The following EPB41L2 variants were observed in gnomAD, a reference collection of about 807,000 sequenced individuals.
The protein encoded by EPB41L2 is erythrocyte membrane protein band 4.1 like 2, also known as band 4.1-like protein 2.
EPB41L2 carries 43 observed loss-of-function variants against 113.0 expected under a neutral mutation model. The observed-to-expected ratio is 0.38, with a 90% CI of 0.30 to 0.49. EPB41L2 has a LOEUF of 0.49. EPB41L2 is among the 20% of genes least tolerant of loss of function. EPB41L2 has a pLI of 0.95. For synonymous variants in EPB41L2, 442 were observed against 436.7 expected, an observed-to-expected ratio of 1.01 and a Z score of -0.15; for missense variants, 1,147 against 1,223.4, an observed-to-expected ratio of 0.94 and a Z score of 0.93.
At chr6:130,916,353 C>A (rs1801092653) in intron 4 of EPB41L2, among the ~76,000 whole-genome samples, 1 of 152,130 alleles carries the variant, frequency 6.6e-6, no homozygotes. Flanking sequence ...TCCCCTACAA[C>A]ATTTTCATTA....
intron 11 of EPB41L2, among the ~76,000 whole-genome samples, chr6:130,889,414 T>C (rs1281858925): frequency 6.6e-6 from 1 of 152,138 alleles, no homozygotes; most frequent in Non-Finnish European, 1.5e-5. Flanking sequence ...GTGTAGTTTA[T>C]ATAAAACTAC....
intron 1 of EPB41L2, among the ~76,000 whole-genome samples, chr6:131,059,009 G>A (rs973029960): frequency 1.3e-5 from 2 of 151,980 alleles, no homozygotes; most frequent in Admixed American, 1.3e-4. Context: ...GAGTGAAACT[G>A]TGTCTCAAAA....
chr6:130,884,322 C>T (rs758149755), intron 12 of EPB41L2, among the ~76,000 whole-genome samples: 1 of 151,808 alleles, frequency 6.6e-6, no homozygotes. Context: ...GCAACAAGAG[C>T]GAAACTTCAT....
At position 130,899,428 on chromosome 6, in the gene EPB41L2, A is replaced by C. The variant is rs1795652044; in HGVS notation, c.1236+63T>G. On this transcript the variant is annotated intron_variant, in intron 8 of 19. Coordinates refer to ENST00000337057, the MANE Select transcript of EPB41L2 (RefSeq NM_001431.4). ...ATAAGCTGTGCTATCCTGAAACTGG[A>C]GCCCTCTCAAAACCTCAGTCAACAG... 3.1e-6 allele frequency: 4 copies of C among 1,304,922 alleles called. No individual in the cohort carries two copies. In the Admixed American group the frequency reaches 6.9e-5, roughly 22 times the overall value. The allele number at this position is 1,304,922 out of a possible 1,614,324, so 80.8% of individuals were successfully genotyped here.
At position 130,890,474 on chromosome 6, in the gene EPB41L2, AGG is replaced by A. The variant is rs1491106424; in HGVS notation, c.1488-10_1488-9del. Reference sequence around the variant, plus strand: ...TGCTCTGGAGAAACAAGCCTATGGGAGGAAAAAAAAAAAAAAAGAGAGAGAGA... The same window carrying A: ...TGCTCTGGAGAAACAAGCCTATGGGAAAAAAAAAAAAAAAAGAGAGAGAGA... On this transcript the variant is annotated splice_polypyrimidine_tract_variant and intron_variant, in intron 10 of 19. Transcript: ENST00000337057. 2.0e-6 allele frequency: 3 copies of A among 1,484,056 alleles called. No homozygotes were observed. Among genetic ancestry groups the A allele is most frequent in the Admixed American group, 2.4e-5 (1 of 41,700 alleles). 91.9% of individuals were successfully genotyped at this position (1,484,056 alleles called of 1,614,324 possible). A position where few individuals can be genotyped will look rare whatever the true frequency, so the allele number is the denominator to read the frequency against.
At chr6:131,057,608 T>A (rs1562815235) in intron 1 of EPB41L2, among the ~76,000 whole-genome samples, 1 of 152,322 alleles carries the variant, frequency 6.6e-6, no homozygotes, top group East Asian at 1.9e-4. Flanking sequence ...TCTGGAAACG[T>A]AAATACAAGG....
At chr6:130,977,423 G>A (rs1048165419) in intron 1 of EPB41L2, among the ~76,000 whole-genome samples, 6 of 152,150 alleles carry the variant, frequency 3.9e-5, no homozygotes, top group Admixed American at 3.3e-4. Context: ...TAATCTCAAT[G>A]CCTTTTCCTG....
intron 1 of EPB41L2, among the ~76,000 whole-genome samples, chr6:131,055,889 A>G (rs946348): frequency 0.86 from 130,949 of 152,134 alleles, 56,923 homozygotes; most frequent in East Asian, 1. Flanking sequence ...TCAAAGCTTC[A>G]GGCCTTACAG....
chr6:131,022,574 T>C (rs1789756819), intron 1 of EPB41L2, among the ~76,000 whole-genome samples: 1 of 152,212 alleles, frequency 6.6e-6, no homozygotes, highest in South Asian at 2.1e-4. Flanking sequence ...TTTAATCTCC[T>C]TGCCTTGGTT....
chr6:130,899,346 T>C, intron 8 of EPB41L2, 145 bp downstream of exon 8: 1 of 637,718 alleles, frequency 1.6e-6, no homozygotes, highest in Non-Finnish European at 2.7e-6. Flanking sequence ...CCATAATTAG[T>C]CACCAAGGAA....
At chr6:130,892,452 TGCCCAGC>T (rs1793277248) in intron 10 of EPB41L2, among the ~76,000 whole-genome samples, 1 of 140,756 alleles carries the variant, frequency 7.1e-6, no homozygotes, top group Non-Finnish European at 1.5e-5. Context: ...AGCTGTTGTC[TGCCCAGC>T]TTGGACCTGT....
At chr6:130,872,734 T>C (rs987060382) in intron 14 of EPB41L2, among the ~76,000 whole-genome samples, 11 of 152,210 alleles carry the variant, frequency 7.2e-5, no homozygotes, top group Non-Finnish European at 8.8e-5. Context: ...TCCACCCTGC[T>C]TGAGAATCTT....
At chr6:131,041,186 C>T (rs759829290) in intron 1 of EPB41L2, among the ~76,000 whole-genome samples, 3 of 152,114 alleles carry the variant, frequency 2.0e-5, no homozygotes, top group East Asian at 1.9e-4. Flanking sequence ...TAATAGTGTG[C>T]TGGTTAAACG....
At chr6:130,985,785 G>A (rs1780413233) in intron 1 of EPB41L2, among the ~76,000 whole-genome samples, 1 of 152,144 alleles carries the variant, frequency 6.6e-6, no homozygotes, top group Admixed American at 6.5e-5. Context: ...AAAGAATATA[G>A]GTGAGAAGCT....
chr6:131,003,314 C>T (rs569633608), intron 1 of EPB41L2, among the ~76,000 whole-genome samples: 26 of 152,270 alleles, frequency 1.7e-4, no homozygotes, highest in African/African-American at 6.3e-4. Context: ...ATAATTTTAA[C>T]AGTGAAGGTG....
At chr6:130,971,729 C>T (rs984825076) in intron 1 of EPB41L2, among the ~76,000 whole-genome samples, 10 of 152,206 alleles carry the variant, frequency 6.6e-5, no homozygotes, top group African/African-American at 1.9e-4. Flanking sequence ...CAGATGACTG[C>T]AGGTAACTGA....
chr6:130,922,517 T>C lies in EPB41L2; in HGVS notation c.810+4088A>G, dbSNP rs555762155. ...ATGTATTTTTTCCTTCTCAGTTTTTTGCCTGAATTTGAATCTTATCACCAA... is the reference window on the plus strand; with the variant it reads ...ATGTATTTTTTCCTTCTCAGTTTTTCGCCTGAATTTGAATCTTATCACCAA... On this transcript the variant is annotated intron_variant, in intron 4 of 19. Coordinates refer to ENST00000337057, the MANE Select transcript of EPB41L2 (RefSeq NM_001431.4). Among the ~76,000 whole-genome samples, 4 of 152,356 alleles carry C rather than the reference T, an allele frequency of 2.6e-5. No homozygotes were observed. In the South Asian group the frequency reaches 8.3e-4, roughly 32 times the overall value.
intron 1 of EPB41L2, among the ~76,000 whole-genome samples, chr6:131,001,543 C>T (rs1359500665): frequency 2.0e-5 from 3 of 152,110 alleles, no homozygotes; most frequent in Non-Finnish European, 2.9e-5. Context: ...GGACAGTTTC[C>T]GTCATCTTTC....
chr6:130,908,914 T>C, intron 4 of EPB41L2, 51 bp from the exon 5 acceptor site: 2 of 1,385,218 alleles, frequency 1.4e-6, no homozygotes, highest in South Asian at 1.2e-5. Context: ...GAGTCTAAAA[T>C]AGAACAGTTT....
Sources: allele counts gnomAD v4.1 joint callset (sites outside exome capture counted in the v4.1 genomes callset), GRCh38; gene constraint gnomAD v4.1.1; transcripts MANE v1.5; gene names NCBI Gene and HGNC (gene_info 2026-07-23, HGNC 2026-07-21).